MLYCD: variants seen among roughly 807,000 people sequenced by gnomAD.
MLYCD encodes malonyl-CoA decarboxylase.
Under a neutral mutation model 35.8 loss-of-function variants are expected in MLYCD, and 27 were observed. The ratio of observed to expected loss-of-function variants is 0.75; its 90% confidence interval spans 0.56 to 1.04. The LOEUF is 1.04. MLYCD is among the 50% of genes least tolerant of loss of function. MLYCD has a pLI of 0.00. For synonymous variants in MLYCD, 403 were observed against 302.4 expected, an observed-to-expected ratio of 1.33 and a Z score of -3.45; for missense variants, 917 against 665.1, an observed-to-expected ratio of 1.38 and a Z score of -4.17.
rs888001479 is a variant in MLYCD, at chr16:83,899,362, G to A, written c.218G>A (p.Ser73Asn). Reference sequence around the variant, plus strand: ...GAGGGTCAGTGCGCGGACTTCGTGAGCTTCTACGGTGGGCTGGCCGAGACG... The same window carrying A: ...GAGGGTCAGTGCGCGGACTTCGTGAACTTCTACGGTGGGCTGGCCGAGACG... ...PAEGQCADFV[S>N]FYGGLAETAQ... The change falls in exon 1 of 5, where the codon AGC becomes AAC. Residue 73 changes from serine to asparagine, a missense_variant. By Grantham distance (46) the Ser-to-Asn change is conservative (BLOSUM62 1). Coordinates refer to ENST00000262430, the MANE Select transcript of MLYCD (RefSeq NM_012213.3). 8 of 1,527,028 alleles carry A rather than the reference G, an allele frequency of 5.2e-6. No individual in the cohort carries two copies. The African/African-American group carries it at 1.1e-4, about 22-fold the overall frequency. The allele number at this position is 1,527,028 out of a possible 1,614,324, so 94.6% of individuals were successfully genotyped here. A position where few individuals can be genotyped will look rare whatever the true frequency, so the allele number is the denominator to read the frequency against.
chr16:83,914,715 G>T (rs1907309034), intron 4 of MLYCD: 1 of 532,840 alleles, frequency 1.9e-6, no homozygotes. Context: ...GGAGATGGAG[G>T]CTGCAGTGAG....
rs1906683087 is a variant in MLYCD, at chr16:83,899,201, C to T, written c.57C>T (p.Pro19=). The T allele has an allele frequency of 1.7e-6, 2 of 1,180,010 alleles. No individual in the cohort carries two copies. The highest frequency in any genetic ancestry group is 1.6e-5 in the African/African-American group (1 of 61,522). 73.1% of individuals were successfully genotyped at this position (1,180,010 alleles called of 1,614,324 possible). The change falls in exon 1 of 5, where the codon CCC becomes CCT. Residue 19 remains proline, a synonymous_variant. Transcript: ENST00000262430. ...TARRLLPLRL[P]PRPPGPRLAS... is the part of the protein sequence containing the mutation. ...GGCGTCTCCTCCCGCTGCGGTTGCC[C>T]CCGCGGCCGCCCGGGCCCCGGCTGG...
rs3815805 is a variant in MLYCD, at chr16:83,906,889, C to A, written c.529-98C>A. On this transcript the variant is annotated intron_variant, in intron 1 of 4. Transcript: ENST00000262430. ...TGTCTTGCACAATTGTCTTATGTAT[C>A]GTGCTTGAGTGTTTTCATTCCTTGT... The A allele has an allele frequency of 6.1e-6, 6 of 985,424 alleles. No homozygotes were observed. In the East Asian group the frequency reaches 1.4e-4, roughly 24 times the overall value. 61.0% of individuals were successfully genotyped at this position (985,424 alleles called of 1,614,324 possible). A position where few individuals can be genotyped will look rare whatever the true frequency, so the allele number is the denominator to read the frequency against.
chr16:83,899,464 C>A lies in MLYCD; in HGVS notation c.320C>A (p.Ala107Asp), dbSNP rs765450941. ...CACGGCCAGGTGGCGGAGCAGAGCG[C>A]CGGCGTGCTCCATCTGCGCCAGCAG... ...VDHGQVAEQS[A>D]GVLHLRQQQR... Residue 107 changes from alanine (A) to aspartate (D), a missense_variant, in exon 1 of 5, where the codon GCC (alanine) becomes GAC (aspartate). Transcript: ENST00000262430. 1 of 1,538,028 alleles carries A rather than the reference C, an allele frequency of 6.5e-7. No individual in the cohort carries two copies. The highest frequency in any genetic ancestry group is 2.6e-5 in the East Asian group (1 of 39,094).
rs1304799796 is a variant in MLYCD, at chr16:83,915,462, C to T, written c.1455C>T (p.Ala485=). 1.2e-6 allele frequency: 2 copies of T among 1,612,876 alleles called. No homozygotes were observed. Among genetic ancestry groups the T allele is most frequent in the East Asian group, 2.2e-5 (1 of 44,886 alleles). Reference sequence around the variant, plus strand: ...CTGAGCAGGTCCTCAGCCTAGTGGCCCAGTTTCAAAAGAACAGCAAGCTCT... The same window carrying T: ...CTGAGCAGGTCCTCAGCCTAGTGGCTCAGTTTCAAAAGAACAGCAAGCTCT... ...KASEQVLSLV[A]QFQKNSKL The change falls in exon 5 of 5, where the codon GCC becomes GCT. Residue 485 remains alanine (A), a synonymous_variant. Coordinates refer to ENST00000262430, the MANE Select transcript of MLYCD (RefSeq NM_012213.3).
chr16:83,906,410 A>G (rs1342564392), intron 1 of MLYCD, among the ~76,000 whole-genome samples: 1 of 152,188 alleles, frequency 6.6e-6, no homozygotes, highest in East Asian at 1.9e-4. Flanking sequence ...AAATGCTGCC[A>G]ATTAGTCTGT....
intron 2 of MLYCD, 142 bp from the exon 3 acceptor site, chr16:83,907,984 C>T (rs1159755353): frequency 9.3e-7 from 1 of 1,074,060 alleles, no homozygotes; most frequent in Non-Finnish European, 1.3e-6. Flanking sequence ...ATGAAAATGA[C>T]TTTCTTTGAA....
At chr16:83,910,863 T>C (rs1358404369) in intron 3 of MLYCD, among the ~76,000 whole-genome samples, 2 of 152,182 alleles carry the variant, frequency 1.3e-5, no homozygotes, top group African/African-American at 4.8e-5. Context: ...CACAGCAGCA[T>C]TTCTTCACTT....
At chr16:83,914,627 T>C (rs1165754155) in intron 4 of MLYCD, 2 of 383,416 alleles carry the variant, frequency 5.2e-6, no homozygotes, top group Non-Finnish European at 9.9e-6. Context: ...CTGATAAATA[T>C]TTCCTGCTGG....
chr16:83,907,135 A>T, intron 2 of MLYCD, 36 bp downstream of exon 2: 1 of 1,496,642 alleles, frequency 6.7e-7, no homozygotes, highest in Non-Finnish European at 9.3e-7. Flanking sequence ...TTGTACATAC[A>T]TTTTTCATAT....
chr16:83,918,205 G>T lies in MLYCD; in HGVS notation c.*2716G>T, dbSNP rs1020501198. The T allele has an allele frequency of 2.6e-5, 4 of 152,222 alleles. No individual in the cohort carries two copies. The highest frequency in any genetic ancestry group is 9.7e-5 in the African/African-American group (4 of 41,434). The allele number at this position is 152,222 out of a possible 1,614,324, so 9.4% of individuals were successfully genotyped here. ...CTCAGGCAGAGTTTCTTAACCTTTT[G>T]TGAGTTACAGATCACTGAAATTCTG... On this transcript the variant is annotated 3_prime_UTR_variant, in exon 5 of 5. Coordinates refer to ENST00000262430, the MANE Select transcript of MLYCD (RefSeq NM_012213.3).
At chr16:83,910,243 A>G (rs1275809307) in intron 3 of MLYCD, among the ~76,000 whole-genome samples, 1 of 146,190 alleles carries the variant, frequency 6.8e-6, no homozygotes, top group Non-Finnish European at 1.5e-5. Flanking sequence ...TGTTTTATTC[A>G]CTTAGTTTTA....
chr16:83,911,113 A>T (rs1184306558), intron 3 of MLYCD, among the ~76,000 whole-genome samples: 1 of 152,076 alleles, frequency 6.6e-6, no homozygotes, highest in Non-Finnish European at 1.5e-5. Context: ...AGTAGCTGGG[A>T]CTACAGGCAC....
rs777027428 is a variant in MLYCD, at chr16:83,899,533, G to A, written c.389G>A (p.Arg130His). 3 of 1,590,858 alleles carry A rather than the reference G, an allele frequency of 1.9e-6. No homozygotes were observed. In the South Asian group the frequency reaches 3.3e-5, roughly 18 times the overall value. Residue 130 changes from arginine (R) to histidine (H), a missense_variant, in exon 1 of 5, where the codon CGC becomes CAC. Arg to His is a conservative substitution (Grantham distance 29). Coordinates refer to ENST00000262430, the MANE Select transcript of MLYCD (RefSeq NM_012213.3). ...CTGCTGCAGGCCGAGGACCGGCTGC[G>A]CTACGCGCTGGTGCCGCGCTATCGC... ...AVLLQAEDRL[R>H]YALVPRYRGL... is the part of the protein sequence containing the mutation.
At chr16:83,913,925 C>T (rs1364833294) in intron 4 of MLYCD, 1 of 151,282 alleles carries the variant, frequency 6.6e-6, no homozygotes, top group African/African-American at 2.4e-5. Context: ...TTATATTACT[C>T]TGTGGTTAAA....
chr16:83,903,002 A>T (rs888965590), intron 1 of MLYCD, among the ~76,000 whole-genome samples: 1 of 152,046 alleles, frequency 6.6e-6, no homozygotes, highest in Non-Finnish European at 1.5e-5. Context: ...TTTTCTCCAG[A>T]GGCCCAGTTG....
intron 1 of MLYCD, among the ~76,000 whole-genome samples, chr16:83,903,664 G>C (rs892119978): frequency 2.0e-5 from 3 of 152,220 alleles, no homozygotes; most frequent in African/African-American, 7.2e-5. Context: ...AATACACAGA[G>C]CCGGGTGCAG....
rs1180929140 is a variant in MLYCD, at chr16:83,899,212, C to T, written c.68C>T (p.Pro23Leu). 1 of 1,203,804 alleles carries T rather than the reference C, an allele frequency of 8.3e-7. No homozygotes were observed. Among genetic ancestry groups the T allele is most frequent in the Non-Finnish European group, 1.0e-6 (1 of 973,656 alleles). The allele number at this position is 1,203,804 out of a possible 1,614,324, so 74.6% of individuals were successfully genotyped here. The change falls in exon 1 of 5, where the codon CCC (proline) becomes CTC (leucine). Residue 23 changes from proline to leucine, a missense_variant. Physicochemically the swap from Pro to Leu is moderately conservative, Grantham distance 98 (BLOSUM62 -3). Coordinates refer to ENST00000262430, the MANE Select transcript of MLYCD (RefSeq NM_012213.3). Reference protein sequence around the residue: ...LLPLRLPPRPPGPRLASGQAA... With the variant: ...LLPLRLPPRPLGPRLASGQAA... The stretch of plus-strand genomic sequence containing the variant: ...CCGCTGCGGTTGCCCCCGCGGCCGC[C>T]CGGGCCCCGGCTGGCGAGCGGGCAG...
Position 83,908,388 on chromosome 16 carries a change from TTA to T in MLYCD, c.798+107_798+108del, listed in dbSNP as rs199670017. 5,903 of 1,318,058 alleles carry T rather than the reference TTA, an allele frequency of 4.5e-3. 1 individual carries two copies. The highest frequency in any genetic ancestry group is 0.013 in the East Asian group (496 of 37,768). The allele number at this position is 1,318,058 out of a possible 1,614,324, so 81.6% of individuals were successfully genotyped here. A position where few individuals can be genotyped will look rare whatever the true frequency, so the allele number is the denominator to read the frequency against. On this transcript the variant is annotated intron_variant, in intron 3 of 4. Coordinates refer to ENST00000262430, the MANE Select transcript of MLYCD (RefSeq NM_012213.3). ...GATTTTATCCTCCTTTTTTTTTTTT[TTA>T]AATAAATGGTTTTGGGCTTTTTTAA... is the stretch of plus-strand genomic sequence containing the variant.
Sources: allele counts gnomAD v4.1 joint callset (sites outside exome capture counted in the v4.1 genomes callset), GRCh38; gene constraint gnomAD v4.1.1; transcripts MANE v1.5; gene names NCBI Gene and HGNC (gene_info 2026-07-23, HGNC 2026-07-21).